Variants in MACROD2 observed in about 807,000 individuals in gnomAD.
MACROD2 encodes the protein mono-ADP ribosylhydrolase 2.
Under a neutral mutation model 70.4 loss-of-function variants are expected in MACROD2, and 36 were observed. The ratio of observed to expected loss-of-function variants is 0.51; its 90% CI spans 0.39 to 0.68. MACROD2 has a LOEUF of 0.68. MACROD2 is among the 30% of genes least tolerant of loss of function. The pLI, the probability that MACROD2 is intolerant of heterozygous loss-of-function variation, is 0.00. For missense variants in MACROD2, 496 were observed against 538.4 expected, an observed-to-expected ratio of 0.92 and a Z score of 0.78; for synonymous variants, 172 against 178.8, an observed-to-expected ratio of 0.96 and a Z score of 0.30.
At chr20:14,280,000 A>G (rs982867729) in intron 3 of MACROD2, among the ~76,000 whole-genome samples, 5 of 152,214 alleles carry the variant, frequency 3.3e-5, no homozygotes, top group Non-Finnish European at 7.4e-5. Context: ...GAAAGAGGGT[A>G]TCACTTTCAA....
intron 10 of MACROD2, among the ~76,000 whole-genome samples, chr20:15,924,539 C>T (rs1159191701): frequency 6.6e-6 from 1 of 152,218 alleles, no homozygotes; most frequent in Admixed American, 6.5e-5. Flanking sequence ...TCTCTAGCCT[C>T]AGTTTCACTT....
chr20:14,320,175 C>T (rs900078399), intron 3 of MACROD2, among the ~76,000 whole-genome samples: 2 of 152,118 alleles, frequency 1.3e-5, no homozygotes, highest in Non-Finnish European at 2.9e-5. Context: ...AGTTGTTTTC[C>T]ATCTTTATTA....
intron 3 of MACROD2, among the ~76,000 whole-genome samples, chr20:14,265,889 G>A (rs537225934): frequency 1.3e-5 from 2 of 150,464 alleles, no homozygotes; most frequent in South Asian, 4.2e-4. Context: ...CCATTCTCCT[G>A]CCTCAGCCTC....
intron 5 of MACROD2, among the ~76,000 whole-genome samples, chr20:15,037,004 A>T (rs1263130381): frequency 6.6e-6 from 1 of 152,050 alleles, no homozygotes; most frequent in South Asian, 2.1e-4. Context: ...TATGTTTTTA[A>T]TAAGTTTTTT....
intron 6 of MACROD2, among the ~76,000 whole-genome samples, chr20:15,403,634 C>T (rs2045959991): frequency 6.6e-6 from 1 of 152,158 alleles, no homozygotes; most frequent in Non-Finnish European, 1.5e-5. Flanking sequence ...TGTCATGGTT[C>T]TGGGCCATGC....
intron 8 of MACROD2, among the ~76,000 whole-genome samples, chr20:15,762,395 T>C (rs535095771): frequency 1.3e-5 from 2 of 152,346 alleles, no homozygotes; most frequent in East Asian, 3.9e-4. Flanking sequence ...GCTACTGTTA[T>C]TTCTTCAGAT....
At chr20:15,143,945 T>TAA (rs3070269) in intron 5 of MACROD2, among the ~76,000 whole-genome samples, 37,225 of 131,666 alleles carry the variant, frequency 0.28, 6,545 homozygotes, top group Non-Finnish European at 0.4. Context: ...GCTGATGAGC[T>TAA]AAAAAAAAAA....
At chr20:14,663,150 C>T (rs1986311565) in intron 4 of MACROD2, among the ~76,000 whole-genome samples, 1 of 151,958 alleles carries the variant, frequency 6.6e-6, no homozygotes, top group Non-Finnish European at 1.5e-5. Context: ...TACTATGCAG[C>T]CATAAAAAGA....
rs6147301 is a variant in MACROD2 at position 15,302,387 on chromosome 20, C to CACACACACACACGACAT, written c.540+72329_540+72330insCACACACACGACATACA. On this transcript the variant is annotated intron_variant, in intron 6 of 17. Transcript: ENST00000684519. ...ACACACACACACACACACACATACA[C>CACACACACACACGACAT]ACATACAGATGTGTATCTTTTATTT... Among the ~76,000 whole-genome samples the CACACACACACACGACAT allele has an allele frequency of 5.5e-3, 828 of 150,342 alleles. 7 individuals are homozygous for CACACACACACACGACAT. The highest frequency in any genetic ancestry group is 0.018 in the African/African-American group (723 of 40,966).
chr20:15,481,732 G>C (rs1413458183), intron 7 of MACROD2, among the ~76,000 whole-genome samples: 1 of 152,010 alleles, frequency 6.6e-6, no homozygotes, highest in Non-Finnish European at 1.5e-5. Flanking sequence ...AATGTCTGTA[G>C]TTTAATTTGG....
chr20:14,309,973 C>G (rs1223079526), intron 3 of MACROD2, among the ~76,000 whole-genome samples: 1 of 152,070 alleles, frequency 6.6e-6, no homozygotes, highest in Non-Finnish European at 1.5e-5. Flanking sequence ...CCAGACTCTT[C>G]AGTTTTAGAA....
chr20:15,932,585 G>T (rs1447682579), intron 10 of MACROD2, among the ~76,000 whole-genome samples: 1 of 152,062 alleles, frequency 6.6e-6, no homozygotes, highest in African/African-American at 2.4e-5. Context: ...GCAATTTGGA[G>T]ACCCTCCCAG....
At chr20:14,409,778 G>T (rs1270277372) in intron 3 of MACROD2, among the ~76,000 whole-genome samples, 2 of 152,072 alleles carry the variant, frequency 1.3e-5, no homozygotes, top group African/African-American at 2.4e-5. Context: ...TGCTGCTCGG[G>T]TTGGAGAGCG....
At position 15,674,205 on chromosome 20, in the gene MACROD2, AC is replaced by A. The variant is rs541884881; in HGVS notation, c.645+174360del. Among the ~76,000 whole-genome samples the A allele has an allele frequency of 1.4e-4, 21 of 152,306 alleles. No homozygotes were observed. The South Asian group carries it at 3.9e-3, about 29-fold the overall frequency. On this transcript the variant is annotated intron_variant, in intron 8 of 17. Transcript: ENST00000684519. ...AAAGTTAATTACAAAATATGGTAAGACCATAGTGGGGACAAGATGCTATAAG... is the reference window on the plus strand; with the variant it reads ...AAAGTTAATTACAAAATATGGTAAGACATAGTGGGGACAAGATGCTATAAG...
At chr20:14,047,216 G>A (rs1430050103) in intron 2 of MACROD2, among the ~76,000 whole-genome samples, 2 of 152,096 alleles carry the variant, frequency 1.3e-5, no homozygotes, top group Admixed American at 6.5e-5. Flanking sequence ...GGAGGCCGAG[G>A]TAGGCGGATC....
intron 8 of MACROD2, among the ~76,000 whole-genome samples, chr20:15,649,202 CTTT>C (rs1173859836): frequency 9.0e-5 from 4 of 44,400 alleles, no homozygotes; most frequent in African/African-American, 3.5e-4. Flanking sequence ...TTTCTTCTTT[CTTT>C]CCTTCTTTCT....
At chr20:14,460,447 G>C (rs1160733143) in intron 3 of MACROD2, among the ~76,000 whole-genome samples, 1 of 152,040 alleles carries the variant, frequency 6.6e-6, no homozygotes. Flanking sequence ...AACCCACTGT[G>C]ATTTTGATTT....
intron 8 of MACROD2, among the ~76,000 whole-genome samples, chr20:15,692,068 C>G (rs776942052): frequency 6.6e-6 from 1 of 152,114 alleles, no homozygotes; most frequent in African/African-American, 2.4e-5. Context: ...ATATGCTGAT[C>G]GGATGGACTT....
At chr20:14,336,384 A>G (rs1406168593) in intron 3 of MACROD2, among the ~76,000 whole-genome samples, 1 of 152,094 alleles carries the variant, frequency 6.6e-6, no homozygotes, top group African/African-American at 2.4e-5. Context: ...AACCCCCCAG[A>G]TGTTGAGAAG....
Sources: allele counts gnomAD v4.1 joint callset (sites outside exome capture counted in the v4.1 genomes callset), GRCh38; gene constraint gnomAD v4.1.1; transcripts MANE v1.5; gene names NCBI Gene and HGNC (gene_info 2026-07-23, HGNC 2026-07-21).